DNAJC28: variants seen among roughly 807,000 people sequenced by gnomAD.
DNAJC28 encodes DnaJ heat shock protein family (Hsp40) member C28.
Under a neutral mutation model 33.3 loss-of-function variants are expected in DNAJC28, and 24 were observed. The observed-to-expected ratio is 0.72, with a 90% CI of 0.52 to 1.01. The LOEUF is 1.01. Among genes scored for constraint, DNAJC28 ranks in the 50% least tolerant of loss-of-function variants. DNAJC28 has a pLI of 0.00. For missense variants in DNAJC28, 442 were observed against 455.2 expected (o/e 0.97, Z 0.26); for synonymous variants, 120 against 147.2 (o/e 0.82, Z 1.34).
At position 33,488,270 on chromosome 21, in the gene DNAJC28, T is replaced by A; in HGVS notation, c.1124A>T (p.Asn375Ile). 1 of 1,528,162 alleles carries A rather than the reference T, an allele frequency of 6.5e-7. No individual in the cohort carries two copies. 94.7% of individuals were successfully genotyped at this position (1,528,162 alleles called of 1,614,324 possible). A position where few individuals can be genotyped will look rare whatever the true frequency, so the allele number is the denominator to read the frequency against. The change falls in exon 2 of 2, where the codon AAC becomes ATC. Residue 375 changes from asparagine to isoleucine, a missense_variant. Physicochemically the swap from Asn to Ile is moderately radical, Grantham distance 149. Coordinates refer to ENST00000381947, the MANE Select transcript of DNAJC28 (RefSeq NM_001040192.3). ...AATAAATTTCCACAGATTCATCCAG[T>A]TTAAAAAACCTTTCTTGATTTCAGG... Reference protein sequence around the residue: ...KTPEIKKGFLNWMNLWKFIKI... With the variant: ...KTPEIKKGFLIWMNLWKFIKI...
At chr21:33,490,367 A>G (rs2145651454) in intron 1 of DNAJC28, among the ~76,000 whole-genome samples, 1 of 151,530 alleles carries the variant, frequency 6.6e-6, no homozygotes, top group East Asian at 2.0e-4. Flanking sequence ...TCGACCTCCC[A>G]AAGTGCTGGG....
In DNAJC28 at chr21:33,488,299, TTTCTC is replaced by T. The variant is rs1156389020; in HGVS notation, c.1090_1094del (p.Glu364AsnfsTer3). Reference sequence around the variant, plus strand: ...AAAAACCTTTCTTGATTTCAGGTGTTTTCTCTCCTTCTCCTTGATCAAGGTTATTT... The same window carrying T: ...AAAAACCTTTCTTGATTTCAGGTGTTTCCTTCTCCTTGATCAAGGTTATTT... On this transcript the variant is annotated frameshift_variant, in exon 2 of 2. Coordinates refer to ENST00000381947, the MANE Select transcript of DNAJC28 (RefSeq NM_001040192.3). LOFTEE classifies it high-confidence loss of function. The T allele has an allele frequency of 6.4e-7, 1 of 1,558,130 alleles. No homozygotes were observed. Among genetic ancestry groups the T allele is most frequent in the Non-Finnish European group, 8.6e-7 (1 of 1,161,918 alleles).
In DNAJC28 at chr21:33,489,134, G is replaced by A; in HGVS notation, c.260C>T (p.Ala87Val). The A allele has an allele frequency of 6.2e-7, 1 of 1,613,846 alleles. No homozygotes were observed. The highest frequency in any genetic ancestry group is 8.5e-7 in the Non-Finnish European group (1 of 1,179,986). Residue 87 changes from alanine (A) to valine (V), a missense_variant, in exon 2 of 2, where the codon GCT becomes GTT. Ala to Val is a moderately conservative substitution (Grantham distance 64). Coordinates refer to ENST00000381947, the MANE Select transcript of DNAJC28 (RefSeq NM_001040192.3). ...AATCCTTATAAATGTTGCAGAATCA[G>A]CAGTATTAGAGCCACTGTCAGGATG... is the stretch of plus-strand genomic sequence containing the variant. Reference protein sequence around the residue: ...QYHPDSGSNTADSATFIRIEK... With the variant: ...QYHPDSGSNTVDSATFIRIEK...
Position 33,489,245 on chromosome 21 carries a change from C to G in DNAJC28, c.149G>C (p.Arg50Thr), listed in dbSNP as rs2084497828. 6.3e-7 allele frequency: 1 copy of G among 1,599,914 alleles called. No individual in the cohort carries two copies. Among genetic ancestry groups the G allele is most frequent in the Non-Finnish European group, 8.5e-7 (1 of 1,176,136 alleles). The change falls in exon 2 of 2, where the codon AGA (arginine) becomes ACA (threonine). Residue 50 changes from arginine to threonine, a missense_variant. Arg to Thr is a moderately conservative substitution (Grantham distance 71). Transcript: ENST00000381947. ...MSTHKSKKKI[R>T]EYYRLLNVEE... is the part of the protein sequence containing the mutation. ...CACGTTCAGCAGTCTATAATATTCT[C>G]TGATCTTCTTTTTGGATTTATGGGT...
At position 33,488,676 on chromosome 21, in the gene DNAJC28, T is replaced by C; in HGVS notation, c.718A>G (p.Thr240Ala). The change falls in exon 2 of 2, where the codon ACT becomes GCT. Residue 240 changes from threonine (T) to alanine (A), a missense_variant. Transcript: ENST00000381947. ...FSDCSYIDPM[T>A]HNLNRILIDN... ...ATCAGTATTCGGTTCAGGTTGTGAG[T>C]CATGGGATCAATGTAAGAACAGTCA... The C allele has an allele frequency of 6.2e-7, 1 of 1,611,832 alleles. No homozygotes were observed. The highest frequency in any genetic ancestry group is 8.5e-7 in the Non-Finnish European group (1 of 1,179,510).
At position 33,488,350 on chromosome 21, in the gene DNAJC28, T is replaced by C; in HGVS notation, c.1044A>G (p.Lys348=). The change falls in exon 2 of 2, where the codon AAA becomes AAG. Residue 348 remains lysine (K), a synonymous_variant. Transcript: ENST00000381947. ...TATTTGGGTTTCTATCTGTGACTTC[T>C]TTTGTTTTTATAAGGGTCTCGTATA... The part of the protein sequence containing the change: ...QKIYETLIKT[K]EVTDRNPNNL... 1 of 1,586,340 alleles carries C rather than the reference T, an allele frequency of 6.3e-7. No homozygotes were observed. Among genetic ancestry groups the C allele is most frequent in the Admixed American group, 2.0e-5 (1 of 50,392 alleles).
At position 33,488,306 on chromosome 21, in the gene DNAJC28, CCTT is replaced by C. The variant is rs548149621; in HGVS notation, c.1085_1087del (p.Glu362del). 867 of 1,564,952 alleles carry C rather than the reference CCTT, an allele frequency of 5.5e-4. 7 individuals are homozygous for C. In the African/African-American group the frequency reaches 9.1e-3, roughly 16 times the overall value. On this transcript the variant is annotated inframe_deletion, in exon 2 of 2. Coordinates refer to ENST00000381947, the MANE Select transcript of DNAJC28 (RefSeq NM_001040192.3). Reference sequence around the variant, plus strand: ...TTTCTTGATTTCAGGTGTTTTCTCTCCTTCTCCTTGATCAAGGTTATTTGGGTT... The same window carrying C: ...TTTCTTGATTTCAGGTGTTTTCTCTCCTCCTTGATCAAGGTTATTTGGGTT...
Position 33,489,294 on chromosome 21 carries a change from T to C in DNAJC28, c.100A>G (p.Ile34Val), listed in dbSNP as rs1175515291. Reference protein sequence around the residue: ...NRVKMLPYFGIIRNRMMSTHK... With the variant: ...NRVKMLPYFGVIRNRMMSTHK... ...GTTGACATCATTCTATTTCTAATGATACCAAAATATGGAAGCATTTTCACT... is the reference window on the plus strand; with the variant it reads ...GTTGACATCATTCTATTTCTAATGACACCAAAATATGGAAGCATTTTCACT... Residue 34 changes from isoleucine to valine, a missense_variant, in exon 2 of 2, where the codon ATC becomes GTC. Ile to Val is a conservative substitution (Grantham distance 29). Transcript: ENST00000381947. The C allele has an allele frequency of 1.3e-6, 2 of 1,598,926 alleles. No individual in the cohort carries two copies. Among genetic ancestry groups the C allele is most frequent in the East Asian group, 2.2e-5 (1 of 44,824 alleles).
rs1301068280 is a variant in DNAJC28 at position 33,489,296 on chromosome 21, C to T, written c.98G>A (p.Gly33Asp). 1.3e-6 allele frequency: 2 copies of T among 1,598,126 alleles called. No homozygotes were observed. The highest frequency in any genetic ancestry group is 1.4e-5 in the African/African-American group (1 of 73,976). ...PNRVKMLPYF[G>D]IIRNRMMSTH... ...TGACATCATTCTATTTCTAATGATA[C>T]CAAAATATGGAAGCATTTTCACTCG... The change falls in exon 2 of 2, where the codon GGT becomes GAT. Residue 33 changes from glycine (G) to aspartate (D), a missense_variant. Transcript: ENST00000381947.
rs2084501067 is a variant in DNAJC28, at chr21:33,489,410, C to A, written c.-17G>T. 2.0e-6 allele frequency: 3 copies of A among 1,481,894 alleles called. No individual in the cohort carries two copies. The highest frequency in any genetic ancestry group is 1.5e-5 in the South Asian group (1 of 66,188). 91.8% of individuals were successfully genotyped at this position (1,481,894 alleles called of 1,614,324 possible). A position where few individuals can be genotyped will look rare whatever the true frequency, so the allele number is the denominator to read the frequency against. Reference sequence around the variant, plus strand: ...TGTATTCATTATTGTACCCAGAGTTCTTCCTAGCAATGACCTATAAAACGA... The same window carrying A: ...TGTATTCATTATTGTACCCAGAGTTATTCCTAGCAATGACCTATAAAACGA... On this transcript the variant is annotated 5_prime_UTR_variant, in exon 2 of 2. Coordinates refer to ENST00000381947, the MANE Select transcript of DNAJC28 (RefSeq NM_001040192.3).
intron 1 of DNAJC28, chr21:33,491,086 A>G (rs1015460908): frequency 6.6e-6 from 1 of 152,228 alleles, no homozygotes; most frequent in African/African-American, 2.4e-5. Flanking sequence ...ACTGGATTGA[A>G]TAGAATCAAG....
chr21:33,489,174 G>A lies in DNAJC28; in HGVS notation c.220C>T (p.Leu74Phe), dbSNP rs374055028. 5.0e-5 allele frequency: 80 copies of A among 1,611,464 alleles called. No individual in the cohort carries two copies. In the African/African-American group the frequency reaches 9.2e-4, roughly 19 times the overall value. Reference sequence around the variant, plus strand: ...CTGTCAGGATGATATTGCTTGGCAAGCTTATGAAAAGATTCCCTGACTTCA... The same window carrying A: ...CTGTCAGGATGATATTGCTTGGCAAACTTATGAAAAGATTCCCTGACTTCA... ...ADEVRESFHK[L>F]AKQYHPDSGS... The change falls in exon 2 of 2, where the codon CTT (leucine) becomes TTT (phenylalanine). Residue 74 changes from leucine (L) to phenylalanine (F), a missense_variant. Leu to Phe is a conservative substitution (Grantham distance 22, BLOSUM62 0). Coordinates refer to ENST00000381947, the MANE Select transcript of DNAJC28 (RefSeq NM_001040192.3).
rs922937556 is a variant in DNAJC28 at position 33,488,569 on chromosome 21, T to C, written c.825A>G (p.Leu275=). Residue 275 remains leucine (L), a synonymous_variant, in exon 2 of 2, where the codon TTA becomes TTG. Transcript: ENST00000381947. ...GATTCCCAAGTTTTTTCCTAGACACTAAAATTGCCTCTCTGAGTTGCTCAA... is the reference window on the plus strand; with the variant it reads ...GATTCCCAAGTTTTTTCCTAGACACCAAAATTGCCTCTCTGAGTTGCTCAA... ...DTIEQLREAI[L]VSRKKLGNPM... is the part of the protein sequence containing the mutation. 8.7e-6 allele frequency: 14 copies of C among 1,613,634 alleles called. No individual in the cohort carries two copies. Among genetic ancestry groups the C allele is most frequent in the African/African-American group, 1.3e-5 (1 of 75,036 alleles).
In DNAJC28 at chr21:33,488,262, T is replaced by G. The variant is rs552657108; in HGVS notation, c.1132A>C (p.Asn378His). The G allele has an allele frequency of 6.6e-7, 1 of 1,521,782 alleles. No individual in the cohort carries two copies. Among genetic ancestry groups the G allele is most frequent in the African/African-American group, 1.4e-5 (1 of 71,496 alleles). The allele number at this position is 1,521,782 out of a possible 1,614,324, so 94.3% of individuals were successfully genotyped here. A position where few individuals can be genotyped will look rare whatever the true frequency, so the allele number is the denominator to read the frequency against. The change falls in exon 2 of 2, where the codon AAT becomes CAT. Residue 378 changes from asparagine to histidine, a missense_variant. Coordinates refer to ENST00000381947, the MANE Select transcript of DNAJC28 (RefSeq NM_001040192.3). ...CGTATTTTAATAAATTTCCACAGAT[T>G]CATCCAGTTTAAAAAACCTTTCTTG... ...EIKKGFLNWM[N>H]LWKFIKIRSF
Position 33,488,626 on chromosome 21 carries a change from C to T in DNAJC28, c.768G>A (p.Trp256Ter). ...ILIDNGYQPE[W>*]ILKQKEISDT... ...CGCTTATTTCCTTTTGCTTAAGGAT[C>T]CATTCTGGTTGGTATCCATTATCGA... The change falls in exon 2 of 2, where the codon TGG (tryptophan) becomes TGA (stop). Residue 256 changes from tryptophan (W) to a stop codon, truncating the protein, a stop_gained. Transcript: ENST00000381947. LOFTEE classifies it high-confidence loss of function. 1 of 1,614,004 alleles carries T rather than the reference C, an allele frequency of 6.2e-7. No individual in the cohort carries two copies. Among genetic ancestry groups the T allele is most frequent in the Non-Finnish European group, 8.5e-7 (1 of 1,179,996 alleles).
rs200804182 is a variant in DNAJC28, at chr21:33,488,705, A to C, written c.689T>G (p.Phe230Cys). 3 of 1,609,702 alleles carry C rather than the reference A, an allele frequency of 1.9e-6. No homozygotes were observed. The East Asian group carries it at 6.7e-5, about 36-fold the overall frequency. Reference protein sequence around the residue: ...LSGKGKPLKKFSDCSYIDPMT... With the variant: ...LSGKGKPLKKCSDCSYIDPMT... ...GGGATCAATGTAAGAACAGTCAGAA[A>C]ACTTTTTCAGAGGTTTTCCTTTCCC... The change falls in exon 2 of 2, where the codon TTT becomes TGT. Residue 230 changes from phenylalanine (F) to cysteine (C), a missense_variant. Coordinates refer to ENST00000381947, the MANE Select transcript of DNAJC28 (RefSeq NM_001040192.3).
intron 1 of DNAJC28, among the ~76,000 whole-genome samples, chr21:33,490,649 T>C (rs1171710605): frequency 6.6e-6 from 1 of 151,852 alleles, no homozygotes; most frequent in African/African-American, 2.4e-5. Flanking sequence ...CAGTCCCAGC[T>C]ACTCGGGAGG....
In DNAJC28 at chr21:33,488,769, G is replaced by C. The variant is rs1174480122; in HGVS notation, c.625C>G (p.Gln209Glu). The C allele has an allele frequency of 6.2e-7, 1 of 1,613,320 alleles. No individual in the cohort carries two copies. The highest frequency in any genetic ancestry group is 8.5e-7 in the Non-Finnish European group (1 of 1,179,866). ...AAGTCTCCTTTTGCCATGGATTCTT[G>C]AATGAGGTCCTCCACTAAACGTTCT... is the stretch of plus-strand genomic sequence containing the variant. Reference protein sequence around the residue: ...AIERLVEDLIQESMAKGDFDN... With the variant: ...AIERLVEDLIEESMAKGDFDN... The change falls in exon 2 of 2, where the codon CAA becomes GAA. Residue 209 changes from glutamine to glutamate, a missense_variant. By Grantham distance (29) the Gln-to-Glu change is conservative. Coordinates refer to ENST00000381947, the MANE Select transcript of DNAJC28 (RefSeq NM_001040192.3).
chr21:33,490,309 G>A (rs575739999), intron 1 of DNAJC28, among the ~76,000 whole-genome samples: 2 of 149,630 alleles, frequency 1.3e-5, no homozygotes, highest in East Asian at 2.1e-4. Context: ...GCGTTTCACC[G>A]TGTTAGCCAG....
Sources: allele counts gnomAD v4.1 joint callset (sites outside exome capture counted in the v4.1 genomes callset), GRCh38; gene constraint gnomAD v4.1.1; transcripts MANE v1.5; gene names NCBI Gene and HGNC (gene_info 2026-07-23, HGNC 2026-07-21).